The following MDGA2 variants were observed in gnomAD, a reference collection of about 807,000 sequenced individuals.
MDGA2 encodes the protein MAM domain containing glycosylphosphatidylinositol anchor 2, also known as MAM domain-containing glycosylphosphatidylinositol anchor protein 2.
In MDGA2, 40 loss-of-function variants were observed where a neutral mutation model predicts 117.8. The observed-to-expected ratio is 0.34, with a 90% confidence interval of 0.26 to 0.44. The LOEUF is 0.44. Among genes scored for constraint, MDGA2 ranks in the 20% least tolerant of loss-of-function variants. The pLI, the probability that MDGA2 is intolerant of heterozygous loss-of-function variation, is 1.00. For synonymous variants in MDGA2, 452 were observed against 439.0 expected (o/e 1.03, Z -0.37); for missense variants, 1,123 against 1,250.6 (o/e 0.90, Z 1.54).
intron 2 of MDGA2, among the ~76,000 whole-genome samples, chr14:47,267,382 T>TATGTATTATGAA (rs1191057781): frequency 6.6e-6 from 1 of 152,176 alleles, no homozygotes; most frequent in African/African-American, 2.4e-5. Flanking sequence ...TATTGAATGT[T>TATGTATTATGAA]TTTATATGTA....
chr14:47,190,298 C>T (rs1885061853), intron 3 of MDGA2, among the ~76,000 whole-genome samples: 1 of 152,196 alleles, frequency 6.6e-6, no homozygotes, highest in African/African-American at 2.4e-5. Context: ...GCAATATACA[C>T]AGCCTCCCAG....
chr14:46,921,806 A>G (rs913945641), intron 9 of MDGA2, among the ~76,000 whole-genome samples: 3 of 152,208 alleles, frequency 2.0e-5, no homozygotes, highest in African/African-American at 7.2e-5. Context: ...TTAAAAATAC[A>G]CATCCAATAC....
At chr14:47,055,853 C>G (rs1889656135) in intron 7 of MDGA2, among the ~76,000 whole-genome samples, 1 of 152,090 alleles carries the variant, frequency 6.6e-6, no homozygotes, top group African/African-American at 2.4e-5. Context: ...GCCTGAAAAG[C>G]TGAAAATATT....
At chr14:47,603,384 C>CT (rs1184371926) in intron 1 of MDGA2, among the ~76,000 whole-genome samples, 1 of 152,176 alleles carries the variant, frequency 6.6e-6, no homozygotes, top group Non-Finnish European at 1.5e-5. Flanking sequence ...CAGAGTACAT[C>CT]TTCAAATTGT....
chr14:47,543,598 G>A (rs1895396393), intron 1 of MDGA2, among the ~76,000 whole-genome samples: 1 of 152,152 alleles, frequency 6.6e-6, no homozygotes, highest in African/African-American at 2.4e-5. Context: ...TGGTTAATAA[G>A]TTAATGACCC....
At chr14:47,370,191 A>C (rs1891314961) in intron 1 of MDGA2, among the ~76,000 whole-genome samples, 1 of 151,942 alleles carries the variant, frequency 6.6e-6, no homozygotes, top group Non-Finnish European at 1.5e-5. Flanking sequence ...TATTATTATG[A>C]GTGATATAAT....
At chr14:46,856,508 T>C (rs1881274993) in intron 14 of MDGA2, among the ~76,000 whole-genome samples, 1 of 152,128 alleles carries the variant, frequency 6.6e-6, no homozygotes, top group Non-Finnish European at 1.5e-5. Context: ...CTTCTATCAC[T>C]AATCAATGAT....
intron 1 of MDGA2, among the ~76,000 whole-genome samples, chr14:47,505,836 T>C (rs1478092771): frequency 6.6e-6 from 1 of 152,220 alleles, no homozygotes; most frequent in Non-Finnish European, 1.5e-5. Flanking sequence ...GTCTTGTCTA[T>C]TGATTTTTTA....
chr14:47,592,428 C>T (rs1441791075), intron 1 of MDGA2, among the ~76,000 whole-genome samples: 3 of 151,930 alleles, frequency 2.0e-5, no homozygotes, highest in African/African-American at 7.2e-5. Context: ...GCCTGTATAG[C>T]CAAGACAATC....
chr14:47,603,198 C>T (rs573993042), intron 1 of MDGA2, among the ~76,000 whole-genome samples: 77 of 152,270 alleles, frequency 5.1e-4, no homozygotes, highest in African/African-American at 1.5e-3. Flanking sequence ...ACTTTTTCCA[C>T]CTTCAAAGAT....
chr14:46,975,344 A>T (rs1048179382), intron 8 of MDGA2, among the ~76,000 whole-genome samples: 1 of 152,114 alleles, frequency 6.6e-6, no homozygotes, highest in Admixed American at 6.6e-5. Flanking sequence ...TCTACTTCTA[A>T]GTGTATATCT....
At chr14:46,877,578 A>T in intron 11 of MDGA2, 69 bp from the exon 12 acceptor site, 1 of 1,132,056 alleles carries the variant, frequency 8.8e-7, no homozygotes, top group Non-Finnish European at 1.3e-6. Flanking sequence ...GTCTTTTATA[A>T]ATAAAAGTCT....
intron 1 of MDGA2, among the ~76,000 whole-genome samples, chr14:47,466,666 C>T (rs1486956355): frequency 6.6e-6 from 1 of 152,086 alleles, no homozygotes; most frequent in East Asian, 1.9e-4. Flanking sequence ...TACAGGGATA[C>T]CTTTCAAGAG....
At chr14:47,042,508 T>C (rs1410447928) in intron 7 of MDGA2, among the ~76,000 whole-genome samples, 2 of 152,100 alleles carry the variant, frequency 1.3e-5, no homozygotes, top group African/African-American at 4.8e-5. Flanking sequence ...CTATCACACT[T>C]GAGTGCTGTT....
At chr14:47,213,469 A>C (rs1885959656) in intron 3 of MDGA2, among the ~76,000 whole-genome samples, 1 of 152,200 alleles carries the variant, frequency 6.6e-6, no homozygotes, top group African/African-American at 2.4e-5. Context: ...TTTATAATTA[A>C]GAACACATGT....
At chr14:46,951,223 C>A (rs115045872) in intron 9 of MDGA2, among the ~76,000 whole-genome samples, 2,126 of 151,932 alleles carry the variant, frequency 0.014, 46 homozygotes, top group African/African-American at 0.047. Context: ...AGGGATTAAA[C>A]TATGAAGGAT....
intron 2 of MDGA2, among the ~76,000 whole-genome samples, chr14:47,224,567 A>G (rs2139542295): frequency 6.6e-6 from 1 of 152,288 alleles, no homozygotes; most frequent in South Asian, 2.1e-4. Flanking sequence ...ATTGTTTGCC[A>G]AGGAGTTCAG....
intron 5 of MDGA2, among the ~76,000 whole-genome samples, chr14:47,126,630 G>A (rs768740948): frequency 6.6e-6 from 1 of 152,100 alleles, no homozygotes; most frequent in Non-Finnish European, 1.5e-5. Context: ...ACTGCCTTTC[G>A]AAGCAGTTCT....
chr14:47,234,663 G>A (rs561099093), intron 2 of MDGA2, among the ~76,000 whole-genome samples: 2 of 152,122 alleles, frequency 1.3e-5, no homozygotes, highest in South Asian at 4.2e-4. Context: ...CGCTACTGTG[G>A]CACTTCATGA....
Sources: allele counts gnomAD v4.1 joint callset (sites outside exome capture counted in the v4.1 genomes callset), GRCh38; gene constraint gnomAD v4.1.1; transcripts MANE v1.5; gene names NCBI Gene and HGNC (gene_info 2026-07-23, HGNC 2026-07-21).